The following BCAS3 variants were observed in gnomAD, a reference collection of about 807,000 sequenced individuals.
BCAS3 encodes BCAS4/BCAS3 fusion.
BCAS3 carries 53 observed loss-of-function variants against 116.1 expected under a neutral mutation model. That is an observed-to-expected ratio of 0.46 (90% confidence interval 0.37 to 0.57). The LOEUF is 0.57. BCAS3 is among the 20% of genes least tolerant of loss of function. The probability of loss-of-function intolerance (pLI) is 0.00; values close to 1 mark genes in which losing one functional copy is unlikely to be tolerated. For missense variants in BCAS3, 917 were observed against 1,165.4 expected (o/e 0.79, Z 3.10); for synonymous variants, 391 against 408.2 (o/e 0.96, Z 0.51).
rs929936265 is a variant in BCAS3, at chr17:61,337,473, C to A, written c.2426-30854C>A. On this transcript the variant is annotated intron_variant, in intron 22 of 23. Coordinates refer to ENST00000407086, the MANE Select transcript of BCAS3 (RefSeq NM_017679.5). This position sits in a 1 kb window ranked among gnomAD's most constrained non-coding sequence, Gnocchi z 4.8. ...TCTAGGAGGAGACGCTTGGCTTTGC[C>A]CACAGCCCTCGGCCCCAGGTCTTCC... Among the ~76,000 whole-genome samples, 1 of 151,886 alleles carries A rather than the reference C, an allele frequency of 6.6e-6. No individual in the cohort carries two copies. Among genetic ancestry groups the A allele is most frequent in the Admixed American group, 6.5e-5 (1 of 15,276 alleles).
chr17:60,781,648 T>C (rs2045844931), intron 6 of BCAS3, among the ~76,000 whole-genome samples: 1 of 151,156 alleles, frequency 6.6e-6, no homozygotes, highest in Admixed American at 6.6e-5. Context: ...TTATACTTAC[T>C]CAGATCACAT....
intron 10 of BCAS3, among the ~76,000 whole-genome samples, chr17:60,892,478 T>G (rs1460333078): frequency 2.6e-5 from 4 of 151,958 alleles, no homozygotes; most frequent in African/African-American, 9.7e-5. Flanking sequence ...CCTGGCTAAT[T>G]TTGTATTTTT....
chr17:60,786,084 C>CA (rs1455978688), intron 6 of BCAS3, among the ~76,000 whole-genome samples: 3 of 152,126 alleles, frequency 2.0e-5, no homozygotes, highest in Non-Finnish European at 4.4e-5. Context: ...GTCCTGGAAC[C>CA]AATCCCGCAC....
Position 61,017,859 on chromosome 17 carries a change from G to C in BCAS3, c.1637+1958G>C, listed in dbSNP as rs548220242. Among the ~76,000 whole-genome samples, 229 of 152,168 alleles carry C rather than the reference G, an allele frequency of 1.5e-3. No homozygotes were observed. The highest frequency in any genetic ancestry group is 3.9e-3 in the African/African-American group (162 of 41,534). On this transcript the variant is annotated intron_variant, in intron 16 of 23. Transcript: ENST00000407086. This position sits in a 1 kb window ranked among gnomAD's most constrained non-coding sequence, Gnocchi z 4.7. ...CTCTACACTGAGATGAATAGAAACT[G>C]TTAGTCATTTGGTGTCCTCCTGTGT... is the stretch of plus-strand genomic sequence containing the variant.
In BCAS3 at chr17:61,004,693, G is replaced by A. The variant is rs1176165025; in HGVS notation, c.1487-11058G>A. ...TTGAATTTGGAGGAGGATGAGAAAAGGAAAAGGATTTAAGGTTCATTGAAA... is the reference window on the plus strand; with the variant it reads ...TTGAATTTGGAGGAGGATGAGAAAAAGAAAAGGATTTAAGGTTCATTGAAA... On this transcript the variant is annotated intron_variant, in intron 15 of 23. Transcript: ENST00000407086. This position sits in a 1 kb window ranked among gnomAD's most constrained non-coding sequence, Gnocchi z 4.8. Among the ~76,000 whole-genome samples the A allele has an allele frequency of 1.3e-5, 2 of 152,052 alleles. No homozygotes were observed. The highest frequency in any genetic ancestry group is 3.9e-4 in the East Asian group (2 of 5,188).
At chr17:61,007,000 TTCATTCCAAAATCTTG>T (rs2064764578) in intron 15 of BCAS3, among the ~76,000 whole-genome samples, 1 of 152,092 alleles carries the variant, frequency 6.6e-6, no homozygotes, top group African/African-American at 2.4e-5. Context: ...ATAAACTTTC[TTCATTCCAAAATCTTG>T]GAGTGCTCTA....
At chr17:61,002,927 T>A (rs1432856591) in intron 15 of BCAS3, among the ~76,000 whole-genome samples, 1 of 152,088 alleles carries the variant, frequency 6.6e-6, no homozygotes, top group Non-Finnish European at 1.5e-5. Context: ...CCTTTAAATA[T>A]AATTTTTATT....
chr17:61,026,921 G>A lies in BCAS3; in HGVS notation c.1638-7745G>A. 6.3e-7 allele frequency: 1 copy of A among 1,597,798 alleles called. No individual in the cohort carries two copies. Among genetic ancestry groups the A allele is most frequent in the Non-Finnish European group, 8.5e-7 (1 of 1,170,870 alleles). On this transcript the variant is annotated intron_variant, in intron 16 of 23. Coordinates refer to ENST00000407086, the MANE Select transcript of BCAS3 (RefSeq NM_017679.5). The surrounding 1 kb of genome is among the most constrained non-coding windows in gnomAD (Gnocchi z 5.0). ...CATAAAAGCCCCATGGTGAGTTCCA[G>A]TTCAGTCCCGCATGCCTCATTCATT... is the stretch of plus-strand genomic sequence containing the variant.
intron 6 of BCAS3, among the ~76,000 whole-genome samples, chr17:60,769,315 GGA>G (rs1435080824): frequency 6.6e-6 from 1 of 152,198 alleles, no homozygotes; most frequent in Non-Finnish European, 1.5e-5. Flanking sequence ...CTGCCACTGA[GGA>G]GAGTGAGGCC....
chr17:61,220,064 G>T lies in BCAS3; in HGVS notation c.2425+135500G>T, dbSNP rs2082023857. Reference sequence around the variant, plus strand: ...TAATCCCAGCACTTTGGGAGGTTGAGGTGGGCAGATCACACGGTCAGGAGT... The same window carrying T: ...TAATCCCAGCACTTTGGGAGGTTGATGTGGGCAGATCACACGGTCAGGAGT... On this transcript the variant is annotated intron_variant, in intron 22 of 23. Transcript: ENST00000407086. This position sits in a 1 kb window ranked among gnomAD's most constrained non-coding sequence, Gnocchi z 4.5. Among the ~76,000 whole-genome samples, 1 of 152,202 alleles carries T rather than the reference G, an allele frequency of 6.6e-6. No individual in the cohort carries two copies. The highest frequency in any genetic ancestry group is 2.4e-5 in the African/African-American group (1 of 41,444).
intron 22 of BCAS3, among the ~76,000 whole-genome samples, chr17:61,236,277 G>T (rs1212153522): frequency 1.3e-5 from 2 of 152,164 alleles, no homozygotes; most frequent in African/African-American, 4.8e-5. Context: ...CTTCTTCTTA[G>T]ATCTTATGTT....
chr17:60,758,793 C>G (rs1474397978), intron 6 of BCAS3, among the ~76,000 whole-genome samples: 1 of 151,988 alleles, frequency 6.6e-6, no homozygotes, highest in Non-Finnish European at 1.5e-5. Flanking sequence ...TAGCTGTATC[C>G]CATATGGTTT....
At chr17:60,984,338 G>A (rs879416375) in intron 14 of BCAS3, among the ~76,000 whole-genome samples, 2 of 152,078 alleles carry the variant, frequency 1.3e-5, no homozygotes, top group African/African-American at 2.4e-5. Context: ...TTTGTGGTGC[G>A]TTTCTGAAAT....
At chr17:60,875,645 T>C (rs2144919944) in intron 9 of BCAS3, among the ~76,000 whole-genome samples, 1 of 152,172 alleles carries the variant, frequency 6.6e-6, no homozygotes, top group East Asian at 1.9e-4. Flanking sequence ...TTTTTAGTCA[T>C]CTTAAAATGG....
chr17:61,278,259 T>A lies in BCAS3; in HGVS notation c.2426-90068T>A, dbSNP rs372355566. Reference sequence around the variant, plus strand: ...GGTTTCACCATGTTGGCCAGGCTGGTCTTGAACTCCTGACCTTGTGATCCG... The same window carrying A: ...GGTTTCACCATGTTGGCCAGGCTGGACTTGAACTCCTGACCTTGTGATCCG... On this transcript the variant is annotated intron_variant, in intron 22 of 23. Transcript: ENST00000407086. This position sits in a 1 kb window ranked among gnomAD's most constrained non-coding sequence, Gnocchi z 5.8. Among the ~76,000 whole-genome samples, 1 of 152,174 alleles carries A rather than the reference T, an allele frequency of 6.6e-6. No individual in the cohort carries two copies. Among genetic ancestry groups the A allele is most frequent in the Non-Finnish European group, 1.5e-5 (1 of 68,026 alleles).
At chr17:60,689,975 A>G (rs763002238) in intron 4 of BCAS3, among the ~76,000 whole-genome samples, 1 of 152,248 alleles carries the variant, frequency 6.6e-6, no homozygotes, top group Non-Finnish European at 1.5e-5. Context: ...TGTAAGTGTT[A>G]AACTTTGATG....
intron 5 of BCAS3, among the ~76,000 whole-genome samples, chr17:60,732,381 CAT>C (rs1360964034): frequency 1.3e-5 from 2 of 152,142 alleles, no homozygotes; most frequent in African/African-American, 4.8e-5. Flanking sequence ...CAAGTAAAAA[CAT>C]ATAAATAGAT....
At chr17:61,318,700 G>A (rs2054945039) in intron 22 of BCAS3, among the ~76,000 whole-genome samples, 1 of 152,170 alleles carries the variant, frequency 6.6e-6, no homozygotes, top group Admixed American at 6.5e-5. Flanking sequence ...AGCCAGAGTT[G>A]TCCACCTGCA....
rs1278867014 is a variant in BCAS3 at position 61,258,612 on chromosome 17, C to T, written c.2426-109715C>T. On this transcript the variant is annotated intron_variant, in intron 22 of 23. Coordinates refer to ENST00000407086, the MANE Select transcript of BCAS3 (RefSeq NM_017679.5). The surrounding 1 kb of genome is among the most constrained non-coding windows in gnomAD (Gnocchi z 4.7). The stretch of plus-strand genomic sequence containing the variant: ...GCTTAATAAATGTTAGACTGTTCCC[C>T]TTGATCATAATACAACATTGATTAA... 6.6e-6 allele frequency among the ~76,000 whole-genome samples: 1 copy of T among 152,248 alleles called. No individual in the cohort carries two copies. Among genetic ancestry groups the T allele is most frequent in the Non-Finnish European group, 1.5e-5 (1 of 68,042 alleles).
Sources: allele counts gnomAD v4.1 joint callset (sites outside exome capture counted in the v4.1 genomes callset), GRCh38; gene constraint gnomAD v4.1.1; non-coding constraint Gnocchi (gnomAD v3.1); transcripts MANE v1.5; gene names NCBI Gene and HGNC (gene_info 2026-07-23, HGNC 2026-07-21).